Variants in TASOR2 observed in about 807,000 individuals in gnomAD.
TASOR2 encodes protein TASOR 2.
A neutral mutation model predicts 199.5 loss-of-function variants in TASOR2; 84 were observed. That is an observed-to-expected ratio of 0.42 (90% CI 0.35 to 0.50). TASOR2 has a LOEUF of 0.50. Among genes scored for constraint, TASOR2 ranks in the 20% least tolerant of loss-of-function variants. The pLI is 0.02. For synonymous variants in TASOR2, 1,103 were observed against 1,046.6 expected, an observed-to-expected ratio of 1.05 and a Z score of -1.04; for missense variants, 2,796 against 2,835.9, an observed-to-expected ratio of 0.99 and a Z score of 0.32.
At chr10:5,709,434 C>G (rs1334793676) in intron 1 of TASOR2, 1 of 763,254 alleles carries the variant, frequency 1.3e-6, no homozygotes, top group Non-Finnish European at 1.8e-6. Flanking sequence ...CATAATTATT[C>G]CTAATACAAA....
chr10:5,685,212 G>T lies in TASOR2; in HGVS notation c.-288+37G>T, dbSNP rs1289145402. 8 of 397,620 alleles carry T rather than the reference G, an allele frequency of 2.0e-5. No homozygotes were observed. Among genetic ancestry groups the T allele is most frequent in the Non-Finnish European group, 3.1e-5 (7 of 225,436 alleles). 24.6% of individuals were successfully genotyped at this position (397,620 alleles called of 1,614,324 possible). On this transcript the variant is annotated intron_variant, in intron 1 of 20. Transcript: ENST00000328090. The surrounding 1 kb of genome is among the most constrained non-coding windows in gnomAD (Gnocchi z 5.4). ...CTCGGCCTGGGCGCCCGGGAACCCTGCGAGGAGGACGGCGGGTCCCCGAGG... is the reference window on the plus strand; with the variant it reads ...CTCGGCCTGGGCGCCCGGGAACCCTTCGAGGAGGACGGCGGGTCCCCGAGG...
chr10:5,729,720 T>C (rs1355554694), intron 10 of TASOR2, among the ~76,000 whole-genome samples: 6 of 152,212 alleles, frequency 3.9e-5, no homozygotes, highest in African/African-American at 1.4e-4. Flanking sequence ...TTTCACTTAC[T>C]AGGCCCTGAA....
In TASOR2 at chr10:5,754,530, C is replaced by T. The variant is rs1564365957; in HGVS notation, c.6607-2083C>T. Among the ~76,000 whole-genome samples the T allele has an allele frequency of 6.6e-6, 1 of 152,074 alleles. No individual in the cohort carries two copies. Among genetic ancestry groups the T allele is most frequent in the South Asian group, 2.1e-4 (1 of 4,824 alleles). The stretch of plus-strand genomic sequence containing the variant: ...TCACCTTCTCGAATAGCTGGGATTA[C>T]AGGTGCGTGCCACCATGCCTGGCTA... On this transcript the variant is annotated intron_variant, in intron 15 of 20. Coordinates refer to ENST00000328090, the Ensembl canonical transcript of TASOR2. The surrounding 1 kb of genome is among the most constrained non-coding windows in gnomAD (Gnocchi z 4.3).
chr10:5,741,966 G>C (rs939812803), intron 13 of TASOR2, 131 bp from the exon 15 acceptor site: 2 of 781,480 alleles, frequency 2.6e-6, no homozygotes, highest in African/African-American at 3.5e-5. Context: ...ACTCATTCAT[G>C]TTTCATATCT....
At chr10:5,697,434 C>T (rs1288366623) in intron 1 of TASOR2, among the ~76,000 whole-genome samples, 3 of 152,156 alleles carry the variant, frequency 2.0e-5, no homozygotes, top group Non-Finnish European at 1.5e-5. Flanking sequence ...TCAGCCCTAT[C>T]CAAAGAGAGA....
intron 10 of TASOR2, among the ~76,000 whole-genome samples, chr10:5,728,894 A>G (rs1834411128): frequency 1.3e-5 from 2 of 152,080 alleles, no homozygotes. Context: ...TGGCTCCTGT[A>G]AGATTTCTAA....
At position 5,748,299 on chromosome 10, in the gene TASOR2, T is replaced by G. The variant is rs1458918187; in HGVS notation, c.4878T>G (p.Asp1626Glu). The change falls in exon 15 of 21, where the codon GAT becomes GAG. Residue 1626 changes from aspartate to glutamate, a missense_variant. Asp to Glu is a conservative substitution (Grantham distance 45). Coordinates refer to ENST00000328090, the Ensembl canonical transcript of TASOR2. The surrounding 1 kb of genome is among the most constrained non-coding windows in gnomAD (Gnocchi z 5.1). ...TCTTTCCCGGTGATTTGAAAACAGATGAAGGCATTTATCTGCAGGTGAAGT... is the reference window on the plus strand; with the variant it reads ...TCTTTCCCGGTGATTTGAAAACAGAGGAAGGCATTTATCTGCAGGTGAAGT... The G allele has an allele frequency of 6.2e-7, 1 of 1,614,222 alleles. No homozygotes were observed.
chr10:5,726,721 G>T, intron 8 of TASOR2, 164 bp from the exon 10 acceptor site: 1 of 618,698 alleles, frequency 1.6e-6, no homozygotes, highest in Non-Finnish European at 2.8e-6. Context: ...TTCAGCTAAG[G>T]AACTTGAAGT....
chr10:5,759,276 A>G (rs1036887345), intron 18 of TASOR2, among the ~76,000 whole-genome samples: 1 of 152,218 alleles, frequency 6.6e-6, no homozygotes, highest in Middle Eastern at 3.2e-3. Flanking sequence ...ACTTTAAAAA[A>G]TATATGGAAC....
rs1831731836 is a variant in TASOR2 at position 5,710,179 on chromosome 10, A to G, written c.-287-2644A>G. The stretch of plus-strand genomic sequence containing the variant: ...AGAAGGGAGAGCGTCAAATTTCTAG[A>G]TGAAATTTTCATCTGTCTCCTCATT... On this transcript the variant is annotated intron_variant, in intron 1 of 20. Coordinates refer to ENST00000328090, the Ensembl canonical transcript of TASOR2. This position sits in a 1 kb window ranked among gnomAD's most constrained non-coding sequence, Gnocchi z 4.6. Among the ~76,000 whole-genome samples the G allele has an allele frequency of 1.3e-5, 2 of 152,134 alleles. No individual in the cohort carries two copies. The highest frequency in any genetic ancestry group is 2.4e-5 in the African/African-American group (1 of 41,436).
At chr10:5,739,891 A>G (rs201846721) in exon 13 of TASOR2, 29 of 1,614,190 alleles carry the variant, frequency 1.8e-5, no homozygotes. Flanking sequence ...TCTAAAGAAA[A>G]TTCTTTGCGA....
At chr10:5,759,940 A>G (rs1839541695) in intron 18 of TASOR2, among the ~76,000 whole-genome samples, 1 of 152,266 alleles carries the variant, frequency 6.6e-6, no homozygotes, top group South Asian at 2.1e-4. Flanking sequence ...TTCGGTAAGT[A>G]GAGAAGCACA....
rs1010483501 is a variant in TASOR2, at chr10:5,689,889, A to C, written c.-288+4714A>C. On this transcript the variant is annotated intron_variant, in intron 1 of 20. Coordinates refer to ENST00000328090, the Ensembl canonical transcript of TASOR2. The surrounding 1 kb of genome is among the most constrained non-coding windows in gnomAD (Gnocchi z 4.1). ...TGATAAGTTAAAAGTAAAACAGGAA[A>C]TCTCTGGAACTAGTCTTTTGGAAGA... Among the ~76,000 whole-genome samples, 10 of 152,202 alleles carry C rather than the reference A, an allele frequency of 6.6e-5. No individual in the cohort carries two copies. The highest frequency in any genetic ancestry group is 2.4e-4 in the African/African-American group (10 of 41,444).
chr10:5,739,121 A>C (rs143373422), intron 12 of TASOR2, among the ~76,000 whole-genome samples: 12 of 152,358 alleles, frequency 7.9e-5, no homozygotes, highest in African/African-American at 2.9e-4. Flanking sequence ...TCTCTAATAA[A>C]TCGCTTGTTC....
At position 5,747,131 on chromosome 10, in the gene TASOR2, T is replaced by C. The variant is rs774076137; in HGVS notation, c.3710T>C (p.Leu1237Pro). The change falls in exon 15 of 21, where the codon CTA becomes CCA. Residue 1237 changes from leucine to proline, a missense_variant. Leu to Pro is a moderately conservative substitution (Grantham distance 98). Coordinates refer to ENST00000328090, the Ensembl canonical transcript of TASOR2. ...CACACATCAGGTGACTCTTTAGAAC[T>C]AAGGAAGAATCACAAGAATGGTCCA... The C allele has an allele frequency of 3.1e-6, 5 of 1,613,958 alleles. No homozygotes were observed. The African/African-American group carries it at 4.0e-5, about 13-fold the overall frequency.
At chr10:5,717,500 G>C (rs1832809052) in intron 2 of TASOR2, among the ~76,000 whole-genome samples, 159 bp from the exon 4 acceptor site, 1 of 152,146 alleles carries the variant, frequency 6.6e-6, no homozygotes, top group African/African-American at 2.4e-5. Flanking sequence ...CCTGAAGCCT[G>C]TCCTTTCTTC....
intron 6 of TASOR2, 53 bp downstream of exon 7, chr10:5,721,023 GTT>G (rs765874390): frequency 1.8e-5 from 26 of 1,454,714 alleles, no homozygotes; most frequent in Non-Finnish European, 2.4e-5. Context: ...AAGTTTTGGG[GTT>G]TTTTTTCCTC....
intron 6 of TASOR2, 120 bp downstream of exon 7, chr10:5,721,090 G>C: frequency 1.4e-6 from 1 of 705,402 alleles, no homozygotes; most frequent in East Asian, 2.7e-5. Flanking sequence ...CTTGATTTTA[G>C]ATGAGGGTAT....
chr10:5,723,043 C>CT (rs1183983010), intron 6 of TASOR2, among the ~76,000 whole-genome samples: 34,693 of 72,876 alleles, frequency 0.48, 12,551 homozygotes, highest in African/African-American at 0.62. Context: ...CAGGAAATAA[C>CT]TTTTTTTTTT....
Sources: gnomAD v4.1 joint callset for allele counts (sites outside exome capture counted in the v4.1 genomes callset) on GRCh38, gnomAD v4.1.1 for gene constraint, Gnocchi (gnomAD v3.1) non-coding constraint, MANE v1.5 for transcripts, NCBI Gene and HGNC (gene_info 2026-07-23, HGNC 2026-07-21) for gene names.